ZMAT1: variants seen among roughly 807,000 people sequenced by gnomAD.
ZMAT1 encodes the protein zinc finger matrin-type protein 1.
Under a neutral mutation model 18.5 loss-of-function variants are expected in ZMAT1, and 11 were observed. The ratio of observed to expected loss-of-function variants is 0.59; its 90% confidence interval spans 0.37 to 0.98. ZMAT1 has a LOEUF of 0.98. Among genes scored for constraint, ZMAT1 ranks in the 50% least tolerant of loss-of-function variants. ZMAT1 has a pLI of 0.01. For synonymous variants in ZMAT1, 211 were observed against 176.4 expected (o/e 1.20, Z -1.55); for missense variants, 525 against 496.2 (o/e 1.06, Z -0.55).
At chrX:101,925,247 C>T (rs1929987891) in intron 1 of ZMAT1, among the ~76,000 whole-genome samples, 1 of 111,629 alleles carries the variant, frequency 9.0e-6, no homozygotes, top group African/African-American at 3.3e-5. Flanking sequence ...GGGATCTGAT[C>T]AGAGAGCTCA....
chrX:101,887,181 A>T (rs1364549990), intron 4 of ZMAT1: 2 of 727,243 alleles, frequency 2.8e-6, no homozygotes, highest in Non-Finnish European at 3.2e-6. Context: ...ATAAAGGCAA[A>T]TTTTTTACTC....
chrX:101,923,271 G>C (rs984164651), intron 1 of ZMAT1, among the ~76,000 whole-genome samples: 1 of 112,122 alleles, frequency 8.9e-6, no homozygotes, highest in Admixed American at 9.5e-5. Flanking sequence ...AAAAGCATTA[G>C]GATGAGAGAG....
rs1478888674 is a variant in ZMAT1, at chrX:101,883,732, A to G, written c.1866T>C (p.Tyr622=). ...TGTCTTTGTCTAAATCTGTATCTTC[A>G]TAACTCTTTTTCCTTTTATGCTTGG... ...EQSKHKRKKS[Y]EDTDLDKDKS... Residue 622 remains tyrosine (Y), a synonymous_variant, in exon 6 of 6, where the codon TAT becomes TAC. Coordinates refer to ENST00000651725, the MANE Select transcript of ZMAT1 (RefSeq NM_001394560.1). The G allele has an allele frequency of 5.0e-6, 6 of 1,205,158 alleles. No individual in the cohort carries two copies. The highest frequency in any genetic ancestry group is 2.2e-5 in the Admixed American group (1 of 44,834).
chrX:101,905,638 G>A (rs957280021), intron 1 of ZMAT1, among the ~76,000 whole-genome samples: 5 of 111,548 alleles, frequency 4.5e-5, no homozygotes, highest in Non-Finnish European at 9.4e-5. Flanking sequence ...AAAATAAACC[G>A]AATTTAAAAA....
rs745816021 is a variant in ZMAT1, at chrX:101,884,559, T to A, written c.1039A>T (p.Met347Leu). ...TTTGAATGAGGTAACTGCTTTTCCATTGCTTGTGAAATATTGTATGGTGCT... is the reference window on the plus strand; with the variant it reads ...TTTGAATGAGGTAACTGCTTTTCCAATGCTTGTGAAATATTGTATGGTGCT... ...YAAPYNISQAMEKQLPHSKKT... is the reference protein window; with the variant it reads ...YAAPYNISQALEKQLPHSKKT... Residue 347 changes from methionine (M) to leucine (L), a missense_variant, in exon 6 of 6, where the codon ATG becomes TTG. Coordinates refer to ENST00000651725, the MANE Select transcript of ZMAT1 (RefSeq NM_001394560.1). 2 of 1,211,114 alleles carry A rather than the reference T, an allele frequency of 1.7e-6. No individual in the cohort carries two copies. Among genetic ancestry groups the A allele is most frequent in the Non-Finnish European group, 2.2e-6 (2 of 895,141 alleles).
intron 4 of ZMAT1, among the ~76,000 whole-genome samples, chrX:101,896,547 A>C (rs1477254467): frequency 8.9e-6 from 1 of 112,476 alleles, no homozygotes; most frequent in Non-Finnish European, 1.9e-5. Context: ...AGAAAATAAA[A>C]GTTTTAATAA....
intron 2 of ZMAT1, among the ~76,000 whole-genome samples, chrX:101,900,954 G>A (rs961046903): frequency 1.8e-5 from 2 of 111,739 alleles, no homozygotes; most frequent in Non-Finnish European, 3.8e-5. Flanking sequence ...CATGGAATAT[G>A]TTTCCATTTG....
intron 2 of ZMAT1, among the ~76,000 whole-genome samples, chrX:101,899,480 C>G (rs1479611072): frequency 2.7e-5 from 3 of 111,185 alleles, no homozygotes; most frequent in Admixed American, 9.6e-5. Context: ...CCCCCAAGTC[C>G]CCAAAGTCCA....
intron 1 of ZMAT1, among the ~76,000 whole-genome samples, chrX:101,928,141 T>C (rs2147690097): frequency 8.9e-6 from 1 of 112,233 alleles, no homozygotes; most frequent in Non-Finnish European, 1.9e-5. Flanking sequence ...GTCCTGTGGC[T>C]CAGGATTCTG....
intron 1 of ZMAT1, among the ~76,000 whole-genome samples, chrX:101,920,705 C>T (rs900745850): frequency 8.9e-6 from 1 of 112,191 alleles, no homozygotes; most frequent in Non-Finnish European, 1.9e-5. Context: ...TTTATATCTA[C>T]TCATATATTC....
intron 1 of ZMAT1, among the ~76,000 whole-genome samples, chrX:101,922,426 C>G (rs1929788903): frequency 9.3e-6 from 1 of 107,894 alleles, no homozygotes; most frequent in Admixed American, 1.0e-4. Context: ...TGGAATCTTG[C>G]TATGTCATCC....
intron 1 of ZMAT1, among the ~76,000 whole-genome samples, chrX:101,927,661 G>C (rs1439365026): frequency 8.9e-6 from 1 of 111,938 alleles, no homozygotes; most frequent in Non-Finnish European, 1.9e-5. Context: ...TCATGCTTGT[G>C]AAGTCAGAAA....
Position 101,898,157 on chromosome X carries a change from G to C in ZMAT1, c.463C>G (p.Pro155Ala). The C allele has an allele frequency of 8.3e-7, 1 of 1,210,459 alleles. No homozygotes were observed. The highest frequency in any genetic ancestry group is 1.7e-5 in the African/African-American group (1 of 57,625). ...FQMHGEQNEV[P>A]GKKMKMHVEN... is the part of the protein sequence containing the mutation. ...ACATGCATCTTCATTTTCTTACCAG[G>C]CACTTCATTTTGTTCCCCATGCATT... Residue 155 changes from proline to alanine, a missense_variant, in exon 3 of 6, where the codon CCT (proline) becomes GCT (alanine). Pro to Ala is a conservative substitution (Grantham distance 27, BLOSUM62 -1). Transcript: ENST00000651725.
chrX:101,892,080 C>CG (rs1927449443), intron 4 of ZMAT1, among the ~76,000 whole-genome samples: 1 of 110,245 alleles, frequency 9.1e-6, no homozygotes, highest in Admixed American at 9.7e-5. Context: ...AGGAGTGTAG[C>CG]GGGGGAAGAG....
In ZMAT1 at chrX:101,911,455, T is replaced by A. The variant is rs1928958013; in HGVS notation, c.293-7125A>T. On this transcript the variant is annotated intron_variant, in intron 1 of 5. Transcript: ENST00000651725. ...GTAGAAAGACTGAATAATGAACCAA[T>A]CAAAAAGAATAACTACAACTTTTCA... 1.6e-5 allele frequency: 9 copies of A among 555,904 alleles called. No individual in the cohort carries two copies. In the South Asian group the frequency reaches 2.8e-4, roughly 17 times the overall value. 45.8% of individuals were successfully genotyped at this position (555,904 alleles called of 1,213,427 possible).
rs370220611 is a variant in ZMAT1, at chrX:101,892,207, T to C, written c.677-5476A>G. Among the ~76,000 whole-genome samples, 29 of 111,420 alleles carry C rather than the reference T, an allele frequency of 2.6e-4. 3 individuals are homozygous for C. Among genetic ancestry groups the C allele is most frequent in the East Asian group, 2.3e-3 (8 of 3,501 alleles). On this transcript the variant is annotated intron_variant, in intron 4 of 5. Coordinates refer to ENST00000651725, the MANE Select transcript of ZMAT1 (RefSeq NM_001394560.1). ...GTTAGGTACCAAGACTCTGAAAACA[T>C]ACCCAATCTCTATAGTTTATAATTT...
intron 1 of ZMAT1, among the ~76,000 whole-genome samples, chrX:101,921,553 A>T (rs1929728393): frequency 8.9e-6 from 1 of 112,143 alleles, no homozygotes; most frequent in Admixed American, 9.5e-5. Context: ...CTGTAATAAC[A>T]ACAAATAAGT....
At chrX:101,930,841 TTACAAGTA>T (rs1398876584) in intron 1 of ZMAT1, among the ~76,000 whole-genome samples, 1 of 112,485 alleles carries the variant, frequency 8.9e-6, no homozygotes, top group Non-Finnish European at 1.9e-5. Context: ...AGTAGGCTGT[TTACAAGTA>T]TACAGAACTT....
intron 1 of ZMAT1, among the ~76,000 whole-genome samples, chrX:101,928,516 C>A (rs2147691136): frequency 8.9e-6 from 1 of 112,249 alleles, no homozygotes; most frequent in East Asian, 2.8e-4. Flanking sequence ...TGCCACCACG[C>A]CCGGCTAATT....
Sources: gnomAD v4.1 joint callset for allele counts (sites outside exome capture counted in the v4.1 genomes callset) on GRCh38, gnomAD v4.1.1 for gene constraint, MANE v1.5 for transcripts, NCBI Gene and HGNC (gene_info 2026-07-23, HGNC 2026-07-21) for gene names.